The following CNTN1 variants were observed in gnomAD, a reference collection of about 807,000 sequenced individuals.
The protein encoded by CNTN1 is contactin 1.
In CNTN1, 38 loss-of-function variants were observed where a neutral mutation model predicts 126.4. The observed-to-expected ratio is 0.30, with a 90% confidence interval of 0.23 to 0.39. The LOEUF (loss-of-function observed/expected upper bound fraction) is 0.39. Among genes scored for constraint, CNTN1 ranks in the 10% least tolerant of loss-of-function variants. The pLI is 1.00. For synonymous variants in CNTN1, 413 were observed against 422.6 expected (o/e 0.98, Z 0.28); for missense variants, 1,009 against 1,248.4 (o/e 0.81, Z 2.89).
At chr12:41,014,872 A>G (rs747308497) in intron 18 of CNTN1, among the ~76,000 whole-genome samples, 2 of 152,160 alleles carry the variant, frequency 1.3e-5, no homozygotes, top group South Asian at 2.1e-4. Context: ...GATTTTTGAA[A>G]TAGGAAAGAT....
chr12:41,060,462 G>A (rs1198850618), intron 23 of CNTN1, among the ~76,000 whole-genome samples: 1 of 152,196 alleles, frequency 6.6e-6, no homozygotes, highest in Non-Finnish European at 1.5e-5. Flanking sequence ...CAAGGTAGAG[G>A]CAGTGGAAGG....
intron 17 of CNTN1, among the ~76,000 whole-genome samples, chr12:40,994,969 T>A (rs1948177898): frequency 6.6e-6 from 1 of 152,062 alleles, no homozygotes; most frequent in South Asian, 2.1e-4. Flanking sequence ...TCATATTAAC[T>A]TAGATAAACT....
intron 1 of CNTN1, among the ~76,000 whole-genome samples, chr12:40,871,133 CA>C (rs755262937): frequency 7.2e-6 from 1 of 138,666 alleles, no homozygotes; most frequent in Non-Finnish European, 1.5e-5. Context: ...TGTTGGGAGT[CA>C]GTTATGTAAC....
At chr12:40,749,700 C>T (rs540309437) in intron 1 of CNTN1, among the ~76,000 whole-genome samples, 2 of 140,300 alleles carry the variant, frequency 1.4e-5, no homozygotes, top group East Asian at 4.1e-4. Context: ...ATGCCATTTT[C>T]ATGGATAATA....
intron 1 of CNTN1, among the ~76,000 whole-genome samples, chr12:40,833,095 G>T (rs1000982595): frequency 1.3e-5 from 2 of 151,530 alleles, no homozygotes. Context: ...TCATTCTGTC[G>T]CCCAGGCTGG....
In CNTN1 at chr12:40,773,633, G is replaced by GTATA. The variant is rs371522549; in HGVS notation, c.-77+81060_-77+81063dup. Among the ~76,000 whole-genome samples, 90 of 46,490 alleles carry GTATA rather than the reference G, an allele frequency of 1.9e-3. 2 individuals are homozygous for GTATA. Among genetic ancestry groups the GTATA allele is most frequent in the African/African-American group, 5.8e-3 (86 of 14,898 alleles). The allele number at this position is 46,490 out of a possible 152,430, so 30.5% of individuals were successfully genotyped here. Reference sequence around the variant, plus strand: ...TTTTTCTGACCTCTGACCAGAAACTGTATATATATATATATATATATACAC... The same window carrying GTATA: ...TTTTTCTGACCTCTGACCAGAAACTGTATATATATATATATATATATATATACAC... On this transcript the variant is annotated intron_variant, in intron 1 of 23. Coordinates refer to ENST00000551295, the MANE Select transcript of CNTN1 (RefSeq NM_001843.4).
intron 17 of CNTN1, among the ~76,000 whole-genome samples, chr12:40,994,810 T>G (rs563312850): frequency 1.3e-5 from 2 of 152,098 alleles, no homozygotes; most frequent in South Asian, 4.2e-4. Context: ...ATAGTTAAGG[T>G]TGAAATCTAA....
At chr12:40,867,175 T>C (rs138423772) in intron 1 of CNTN1, among the ~76,000 whole-genome samples, 1 of 152,286 alleles carries the variant, frequency 6.6e-6, no homozygotes, top group African/African-American at 2.4e-5. Context: ...AATCACTGAA[T>C]TCCAAGTTGA....
intron 14 of CNTN1, among the ~76,000 whole-genome samples, chr12:40,950,968 A>ATG (rs1946653862): frequency 6.6e-6 from 1 of 151,810 alleles, no homozygotes; most frequent in Non-Finnish European, 1.5e-5. Context: ...ATATATATAT[A>ATG]ATATAATATA....
At position 41,047,383 on chromosome 12, in the gene CNTN1, A is replaced by G. The variant is rs543033317; in HGVS notation, c.2980+18164A>G. Reference sequence around the variant, plus strand: ...CACTGAGTGCTTCCTTCACCTTTTAACTTTATCTGAAGTCTTGCTCTCCCT... The same window carrying G: ...CACTGAGTGCTTCCTTCACCTTTTAGCTTTATCTGAAGTCTTGCTCTCCCT... On this transcript the variant is annotated intron_variant, in intron 23 of 23. Coordinates refer to ENST00000551295, the MANE Select transcript of CNTN1 (RefSeq NM_001843.4). Among the ~76,000 whole-genome samples, 28 of 152,054 alleles carry G rather than the reference A, an allele frequency of 1.8e-4. No individual in the cohort carries two copies. In the South Asian group the frequency reaches 5.8e-3, roughly 32 times the overall value.
At chr12:40,719,471 G>A (rs1040126227) in intron 1 of CNTN1, among the ~76,000 whole-genome samples, 2 of 152,038 alleles carry the variant, frequency 1.3e-5, no homozygotes, top group African/African-American at 2.4e-5. Flanking sequence ...CCTGATGATC[G>A]ATCGGGCTTA....
At chr12:40,915,027 T>A (rs1442182) in intron 3 of CNTN1, among the ~76,000 whole-genome samples, 82,423 of 151,492 alleles carry the variant, frequency 0.54, 22,997 homozygotes, top group African/African-American at 0.64. Flanking sequence ...TTTCTTTTTT[T>A]AAAAATACAT....
chr12:41,006,519 T>C (rs924533537), intron 17 of CNTN1, among the ~76,000 whole-genome samples: 1 of 152,216 alleles, frequency 6.6e-6, no homozygotes, highest in African/African-American at 2.4e-5. Flanking sequence ...GCAGGTGTGA[T>C]CCACCATATA....
chr12:41,022,000 T>A (rs1473262141), intron 20 of CNTN1, among the ~76,000 whole-genome samples: 2 of 151,854 alleles, frequency 1.3e-5, no homozygotes, highest in Non-Finnish European at 2.9e-5. Context: ...TAATTTAACA[T>A]ATAACCCATA....
intron 1 of CNTN1, among the ~76,000 whole-genome samples, chr12:40,777,476 A>G (rs1013510254): frequency 6.6e-6 from 1 of 151,812 alleles, no homozygotes. Flanking sequence ...AGCCTAATGT[A>G]AAAGAACAAG....
At chr12:40,808,983 C>T (rs1940956834) in intron 1 of CNTN1, among the ~76,000 whole-genome samples, 1 of 151,990 alleles carries the variant, frequency 6.6e-6, no homozygotes, top group South Asian at 2.1e-4. Context: ...ATATAGTGGT[C>T]ACTCTAGTCA....
intron 15 of CNTN1, among the ~76,000 whole-genome samples, chr12:40,967,298 T>C (rs1272389440): frequency 6.6e-6 from 1 of 151,934 alleles, no homozygotes; most frequent in African/African-American, 2.4e-5. Flanking sequence ...CTGACCAATA[T>C]GGTGAAACCC....
At chr12:40,760,474 T>C (rs1240371379) in intron 1 of CNTN1, among the ~76,000 whole-genome samples, 1 of 152,150 alleles carries the variant, frequency 6.6e-6, no homozygotes, top group Non-Finnish European at 1.5e-5. Context: ...TAATGTTTTT[T>C]TTTTTGCAGT....
At chr12:41,052,320 C>T (rs1310065350) in intron 23 of CNTN1, among the ~76,000 whole-genome samples, 2 of 152,060 alleles carry the variant, frequency 1.3e-5, no homozygotes, top group African/African-American at 4.8e-5. Context: ...ACTGCATGGC[C>T]AAAGCTCAGA....
Sources: gnomAD v4.1 joint callset for allele counts (sites outside exome capture counted in the v4.1 genomes callset) on GRCh38, gnomAD v4.1.1 for gene constraint, MANE v1.5 for transcripts, NCBI Gene and HGNC (gene_info 2026-07-23, HGNC 2026-07-21) for gene names.